Variants in SPICE1 observed in about 807,000 individuals in gnomAD.
SPICE1 encodes spindle and centriole-associated protein 1.
In SPICE1, 75 loss-of-function variants were observed where a neutral mutation model predicts 102.7. The observed-to-expected ratio is 0.73, with a 90% confidence interval of 0.61 to 0.88. The LOEUF (loss-of-function observed/expected upper bound fraction) is 0.88. Ranked by LOEUF, SPICE1 falls within the 40% of genes least tolerant of loss-of-function variation. The pLI, the probability that SPICE1 is intolerant of heterozygous loss-of-function variation, is 0.00. For synonymous variants in SPICE1, 308 were observed against 350.3 expected, an observed-to-expected ratio of 0.88 and a Z score of 1.35; for missense variants, 979 against 1,020.1, an observed-to-expected ratio of 0.96 and a Z score of 0.55.
At position 113,506,417 on chromosome 3, in the gene SPICE1, C is replaced by T. The variant is rs1321379838; in HGVS notation, c.99+90G>A. 9 of 1,051,030 alleles carry T rather than the reference C, an allele frequency of 8.6e-6. No individual in the cohort carries two copies. The East Asian group carries it at 2.3e-4, about 27-fold the overall frequency. The allele number at this position is 1,051,030 out of a possible 1,614,324, so 65.1% of individuals were successfully genotyped here. A position where few individuals can be genotyped will look rare whatever the true frequency, so the allele number is the denominator to read the frequency against. ...ACCCTATTACGTGATGAGCCCCATT[C>T]AGAACACCATCTTGCATGACTAGGG... On this transcript the variant is annotated intron_variant, in intron 2 of 17. Coordinates refer to ENST00000295872, the MANE Select transcript of SPICE1 (RefSeq NM_144718.4).
chr3:113,446,824 T>G, intron 16 of SPICE1, 148 bp from the exon 17 acceptor site: 2 of 672,018 alleles, frequency 3.0e-6, no homozygotes, highest in Non-Finnish European at 5.3e-6. Context: ...TATTTGTAAC[T>G]TATTTTCACC....
intron 7 of SPICE1, among the ~76,000 whole-genome samples, chr3:113,472,488 G>T (rs940196516): frequency 2.0e-5 from 3 of 152,214 alleles, no homozygotes; most frequent in African/African-American, 2.4e-5. Flanking sequence ...CTCCTCAAGT[G>T]GGTCCCTGAC....
chr3:113,471,883 G>A (rs1486824635), intron 7 of SPICE1, among the ~76,000 whole-genome samples: 3 of 152,218 alleles, frequency 2.0e-5, no homozygotes, highest in African/African-American at 7.2e-5. Flanking sequence ...GGTGATTTCT[G>A]CATTTCCATC....
At chr3:113,451,257 G>C (rs919011941) in intron 14 of SPICE1, among the ~76,000 whole-genome samples, 3 of 152,116 alleles carry the variant, frequency 2.0e-5, no homozygotes, top group Non-Finnish European at 2.9e-5. Flanking sequence ...TGATTGGAAA[G>C]AAATATGAGA....
intron 6 of SPICE1, 33 bp from the exon 7 acceptor site, chr3:113,489,096 T>A: frequency 1.5e-6 from 2 of 1,360,940 alleles, no homozygotes; most frequent in Non-Finnish European, 2.1e-6. Flanking sequence ...ATAGCACAAG[T>A]TGATTATATA....
At chr3:113,445,811 A>G (rs1024542526) in intron 17 of SPICE1, among the ~76,000 whole-genome samples, 5 of 152,178 alleles carry the variant, frequency 3.3e-5, no homozygotes, top group African/African-American at 9.7e-5. Context: ...ATCATTTAAT[A>G]TCTTTCCCCT....
In SPICE1 at chr3:113,460,564, C is replaced by G. The variant is rs1431053465; in HGVS notation, c.1435+53G>C. Reference sequence around the variant, plus strand: ...AGAGATTTAAGGTTTGGTTTGTTATCTAAGGCCATTAAGTAGTCTAATGAC... The same window carrying G: ...AGAGATTTAAGGTTTGGTTTGTTATGTAAGGCCATTAAGTAGTCTAATGAC... On this transcript the variant is annotated intron_variant, in intron 12 of 17. Coordinates refer to ENST00000295872, the MANE Select transcript of SPICE1 (RefSeq NM_144718.4). 4 of 1,546,944 alleles carry G rather than the reference C, an allele frequency of 2.6e-6. No individual in the cohort carries two copies. In the African/African-American group the frequency reaches 4.1e-5, roughly 16 times the overall value.
chr3:113,497,870 T>C (rs1285309208), intron 4 of SPICE1, among the ~76,000 whole-genome samples: 1 of 150,020 alleles, frequency 6.7e-6, no homozygotes, highest in Non-Finnish European at 1.5e-5. Context: ...ACCCAGCTAA[T>C]CTTTAGGGCT....
At chr3:113,450,642 T>A (rs1935630025) in intron 14 of SPICE1, 126 bp from the exon 15 acceptor site, 1 of 932,412 alleles carries the variant, frequency 1.1e-6, no homozygotes, top group African/African-American at 1.7e-5. Context: ...AGTGGCGCTA[T>A]CTCGGCTCAC....
chr3:113,514,768 C>T (rs2107514795), intron 1 of SPICE1, 129 bp downstream of exon 1: 1 of 1,288,184 alleles, frequency 7.8e-7, no homozygotes, highest in East Asian at 5.6e-5. Context: ...TGAACTCCCC[C>T]AACGCTACAA....
chr3:113,489,251 C>T (rs11919330), intron 6 of SPICE1, among the ~76,000 whole-genome samples, 188 bp from the exon 7 acceptor site: 1 of 152,108 alleles, frequency 6.6e-6, no homozygotes, highest in East Asian at 1.9e-4. Context: ...TTTTCAACAT[C>T]TGTCTCTGTA....
chr3:113,448,829 G>T (rs1367118993), intron 15 of SPICE1: 1 of 151,980 alleles, frequency 6.6e-6, no homozygotes, highest in Non-Finnish European at 1.5e-5. Flanking sequence ...AACAAAAGAG[G>T]TTTTTCATGA....
intron 1 of SPICE1, among the ~76,000 whole-genome samples, chr3:113,510,751 G>C (rs1234686754): frequency 1.3e-5 from 2 of 152,080 alleles, no homozygotes; most frequent in Non-Finnish European, 2.9e-5. Context: ...TGTAACGAAA[G>C]CAAAACTTAA....
At chr3:113,459,807 G>A (rs900450969) in intron 12 of SPICE1, 1 of 898,164 alleles carries the variant, frequency 1.1e-6, no homozygotes, top group Non-Finnish European at 1.3e-6. Context: ...GCTTGAAACT[G>A]GAAGGCGGAG....
intron 7 of SPICE1, among the ~76,000 whole-genome samples, chr3:113,476,466 T>C (rs1249718804): frequency 2.0e-5 from 3 of 148,056 alleles, no homozygotes; most frequent in Non-Finnish European, 3.0e-5. Context: ...AAAAAGAGCC[T>C]GCATCACCAA....
rs535086642 is a variant in SPICE1 at position 113,509,332 on chromosome 3, C to T, written c.1-2727G>A. 5.3e-5 allele frequency among the ~76,000 whole-genome samples: 8 copies of T among 152,168 alleles called. No individual in the cohort carries two copies. In the East Asian group the frequency reaches 1.4e-3, roughly 26 times the overall value. ...TTAGATCTTTAACCACTTATATCTC[C>T]AATTTACTCTGCAAAAACAAGAGTC... On this transcript the variant is annotated intron_variant, in intron 1 of 17. Transcript: ENST00000295872.
At position 113,445,196 on chromosome 3, in the gene SPICE1, C is replaced by G; in HGVS notation, c.*111G>C. 1 of 819,360 alleles carries G rather than the reference C, an allele frequency of 1.2e-6. No individual in the cohort carries two copies. 50.8% of individuals were successfully genotyped at this position (819,360 alleles called of 1,614,324 possible). A position where few individuals can be genotyped will look rare whatever the true frequency, so the allele number is the denominator to read the frequency against. On this transcript the variant is annotated 3_prime_UTR_variant, in exon 18 of 18. Transcript: ENST00000295872. ...TCTCTGTTTCATTAGTACTAATTCA[C>G]AGGATCTTTGTAGGTTTTATCTGAA...
At position 113,453,816 on chromosome 3, in the gene SPICE1, G is replaced by T. The variant is rs764155311; in HGVS notation, c.1792C>A (p.Arg598Ser). Residue 598 changes from arginine (R) to serine (S), a missense_variant, in exon 14 of 18, where the codon CGT (arginine) becomes AGT (serine). By Grantham distance (110) the Arg-to-Ser change is moderately radical. Coordinates refer to ENST00000295872, the MANE Select transcript of SPICE1 (RefSeq NM_144718.4). ...ACTCTCCATCTCTGAGTGAAGAGAC[G>T]ATTCTCTTCACTTGAATTCTGAATG... Reference protein sequence around the residue: ...TDIQNSSEENRLFTQRWRVSH... With the variant: ...TDIQNSSEENSLFTQRWRVSH... 3.7e-6 allele frequency: 6 copies of T among 1,613,956 alleles called. No homozygotes were observed. In the African/African-American group the frequency reaches 5.3e-5, roughly 14 times the overall value.
At chr3:113,470,255 AGCCT>A (rs1358245586) in intron 7 of SPICE1, among the ~76,000 whole-genome samples, 1 of 152,236 alleles carries the variant, frequency 6.6e-6, no homozygotes, top group Admixed American at 6.5e-5. Flanking sequence ...AGAAGTTTTC[AGCCT>A]GTCCAAATTG....
Sources: gnomAD v4.1 joint callset for allele counts (sites outside exome capture counted in the v4.1 genomes callset) on GRCh38, gnomAD v4.1.1 for gene constraint, MANE v1.5 for transcripts, NCBI Gene and HGNC (gene_info 2026-07-23, HGNC 2026-07-21) for gene names.